The following CNGB1 variants were observed in gnomAD, a reference collection of about 807,000 sequenced individuals.
The protein encoded by CNGB1 is cyclic nucleotide gated channel subunit beta 1, also known as cyclic nucleotide-gated channel beta-1.
CNGB1 carries 126 observed loss-of-function variants against 151.7 expected under a neutral mutation model. The observed-to-expected ratio is 0.83, with a 90% CI of 0.72 to 0.96. The LOEUF (loss-of-function observed/expected upper bound fraction) is 0.96, where lower values mean the gene tolerates loss of function less well. CNGB1 is among the 40% of genes least tolerant of loss of function. The pLI is 0.00. For synonymous variants in CNGB1, 623 were observed against 635.1 expected, an observed-to-expected ratio of 0.98 and a Z score of 0.29; for missense variants, 1,698 against 1,627.0, an observed-to-expected ratio of 1.04 and a Z score of -0.75.
rs148170769 is a variant in CNGB1, at chr16:57,913,110, C to A, written c.2305-116G>T. The A allele has an allele frequency of 4.4e-6, 4 of 902,220 alleles. No homozygotes were observed. The Admixed American group carries it at 5.6e-5, about 13-fold the overall frequency. The allele number at this position is 902,220 out of a possible 1,614,324, so 55.9% of individuals were successfully genotyped here. On this transcript the variant is annotated intron_variant, in intron 23 of 32. Coordinates refer to ENST00000251102, the MANE Select transcript of CNGB1 (RefSeq NM_001297.5). ...CTGCAGCCCCCAGGAGGGAACAGGACGGTGAGCATTCAATATCAGAAGTCC... is the reference window on the plus strand; with the variant it reads ...CTGCAGCCCCCAGGAGGGAACAGGAAGGTGAGCATTCAATATCAGAAGTCC...
intron 25 of CNGB1, 50 bp downstream of exon 25, chr16:57,911,703 G>T: frequency 1.2e-6 from 2 of 1,611,140 alleles, no homozygotes; most frequent in South Asian, 1.1e-5. Flanking sequence ...GAATTATAAA[G>T]AACAGGAAGG....
intron 25 of CNGB1, among the ~76,000 whole-genome samples, chr16:57,908,465 C>A (rs1382492101): frequency 6.6e-6 from 1 of 152,258 alleles, no homozygotes; most frequent in African/African-American, 2.4e-5. Flanking sequence ...TGAGTAACTC[C>A]CCGCTGGACC....
At chr16:57,960,365 C>A in intron 9 of CNGB1, 117 bp downstream of exon 9, 1 of 1,361,496 alleles carries the variant, frequency 7.3e-7, no homozygotes, top group Non-Finnish European at 1.0e-6. Context: ...CCCTGAACCC[C>A]GTCCTAGTCT....
chr16:57,904,658 G>C, intron 26 of CNGB1, 76 bp downstream of exon 26: 1 of 1,598,168 alleles, frequency 6.3e-7, no homozygotes, highest in Non-Finnish European at 8.6e-7. Context: ...CGGGCACAGA[G>C]GGTGACATTT....
intron 14 of CNGB1, among the ~76,000 whole-genome samples, chr16:57,947,744 C>T (rs1961844102): frequency 6.6e-6 from 1 of 152,178 alleles, no homozygotes; most frequent in African/African-American, 2.4e-5. Context: ...TTAACTATTT[C>T]CTGACTGGAA....
At chr16:57,909,128 T>G (rs1236963566) in intron 25 of CNGB1, among the ~76,000 whole-genome samples, 1 of 152,188 alleles carries the variant, frequency 6.6e-6, no homozygotes, top group African/African-American at 2.4e-5. Context: ...ATTAGCTAGG[T>G]GCAGTGGCGT....
In CNGB1 at chr16:57,964,166, A is replaced by C. The variant is rs1290411898; in HGVS notation, c.254T>G (p.Leu85Arg). The C allele has an allele frequency of 1.2e-6, 2 of 1,614,114 alleles. No homozygotes were observed. The highest frequency in any genetic ancestry group is 3.3e-5 in the Admixed American group (2 of 60,014). The change falls in exon 4 of 33, where the codon CTC (leucine) becomes CGC (arginine). Residue 85 changes from leucine to arginine, a missense_variant. Leu to Arg is a moderately radical substitution (Grantham distance 102). Transcript: ENST00000251102. ...AGAAATCTCAGCGCCCTGGGCCCGG[A>C]GGGATATGGTGGAAGTAAGGGCAGC... is the stretch of plus-strand genomic sequence containing the variant. ...KEAALTSTIS[L>R]RAQGAEISEM...
At chr16:57,966,493 T>C (rs1962402348) in intron 2 of CNGB1, among the ~76,000 whole-genome samples, 1 of 152,230 alleles carries the variant, frequency 6.6e-6, no homozygotes, top group South Asian at 2.1e-4. Flanking sequence ...TCTGTGCCAG[T>C]CTGCAAACTG....
At chr16:57,956,985 C>T (rs1054386764) in intron 12 of CNGB1, among the ~76,000 whole-genome samples, 1 of 152,184 alleles carries the variant, frequency 6.6e-6, no homozygotes, top group Admixed American at 6.5e-5. Context: ...TCAGCTTGGC[C>T]AAACCCATTT....
intron 17 of CNGB1, among the ~76,000 whole-genome samples, chr16:57,923,767 A>C (rs1341776866): frequency 6.6e-6 from 1 of 152,196 alleles, no homozygotes; most frequent in East Asian, 1.9e-4. Flanking sequence ...CTTAGTTCTC[A>C]GTTTCAACTT....
chr16:57,948,011 T>C (rs1306470306), intron 14 of CNGB1, among the ~76,000 whole-genome samples: 1 of 152,166 alleles, frequency 6.6e-6, no homozygotes, highest in Admixed American at 6.5e-5. Flanking sequence ...TGCTATCCTG[T>C]CTCAGGCCAT....
chr16:57,888,009 G>T lies in CNGB1; in HGVS notation c.3308C>A (p.Ala1103Glu), dbSNP rs377240706. The stretch of plus-strand genomic sequence containing the variant: ...AGCGTTGAAGAGCTTTGGGGTGCCC[G>T]CCCGGGGTGGAAGGATCAGCACGCT... Reference protein sequence around the residue: ...EKSVLILPPRAGTPKLFNAAL... With the variant: ...EKSVLILPPREGTPKLFNAAL... The change falls in exon 32 of 33, where the codon GCG (alanine) becomes GAG (glutamate). Residue 1103 changes from alanine (A) to glutamate (E), a missense_variant. Transcript: ENST00000251102. 1.2e-6 allele frequency: 2 copies of T among 1,614,166 alleles called. No homozygotes were observed. The highest frequency in any genetic ancestry group is 3.3e-5 in the Admixed American group (2 of 60,020).
chr16:57,913,092 C>T, intron 23 of CNGB1, 98 bp from the exon 24 acceptor site: 1 of 1,120,986 alleles, frequency 8.9e-7, no homozygotes. Flanking sequence ...TTCCTGCAGC[C>T]CCCAGGAGGG....
chr16:57,883,620 T>C lies in CNGB1; in HGVS notation c.*544A>G, dbSNP rs1443883074. The C allele has an allele frequency of 5.8e-6, 1 of 173,370 alleles. No homozygotes were observed. Among genetic ancestry groups the C allele is most frequent in the Non-Finnish European group, 1.2e-5 (1 of 81,880 alleles). 10.7% of individuals were successfully genotyped at this position (173,370 alleles called of 1,614,324 possible). On this transcript the variant is annotated 3_prime_UTR_variant, in exon 33 of 33. Transcript: ENST00000251102. ...TTTTGTTTGAGATGAGGTCTCGCTA[T>C]GTTGCCCAGTCTGCTCTCCAACTCT... is the stretch of plus-strand genomic sequence containing the variant.
chr16:57,930,564 GA>G (rs1307401651), intron 17 of CNGB1, among the ~76,000 whole-genome samples: 6 of 121,278 alleles, frequency 4.9e-5, no homozygotes, highest in African/African-American at 1.9e-4. Context: ...GGGGAAGGAG[GA>G]GGGGAAGGGG....
intron 31 of CNGB1, among the ~76,000 whole-genome samples, chr16:57,893,063 G>C (rs1960137337): frequency 2.0e-5 from 3 of 152,204 alleles, no homozygotes; most frequent in Admixed American, 2.0e-4. Context: ...TGTGCTGTAG[G>C]AATGGATGCT....
rs183620639 is a variant in CNGB1, at chr16:57,903,966, C to T, written c.2650G>A (p.Gly884Arg). The T allele has an allele frequency of 8.7e-6, 14 of 1,613,844 alleles. No homozygotes were observed. The East Asian group carries it at 2.7e-4, about 31-fold the overall frequency. The part of the protein sequence containing the change: ...VMIGQMRDVV[G>R]AATAGQTYYR... ...TAGGTCTGTCCGGCGGTGGCGGCCC[C>T]TACCACATCTCTCATCTGGGGGAAG... The change falls in exon 27 of 33, where the codon GGG becomes AGG. Residue 884 changes from glycine (G) to arginine (R), a missense_variant. Gly to Arg is a moderately radical substitution (Grantham distance 125). Coordinates refer to ENST00000251102, the MANE Select transcript of CNGB1 (RefSeq NM_001297.5).
At chr16:57,927,079 C>G (rs1222730274) in intron 17 of CNGB1, among the ~76,000 whole-genome samples, 3 of 152,214 alleles carry the variant, frequency 2.0e-5, no homozygotes, top group Non-Finnish European at 4.4e-5. Context: ...AGCTTCTGGT[C>G]CCCCAGCACT....
Position 57,920,489 on chromosome 16 carries a change from G to A in CNGB1, c.1699C>T (p.Arg567Trp), listed in dbSNP as rs556362158. Residue 567 changes from arginine (R) to tryptophan (W), a missense_variant, in exon 19 of 33, where the codon CGG becomes TGG. Transcript: ENST00000251102. ...AAGAGCTTCACCAGCTCCTGGAGCC[G>A]GTCGTTGATGATGGCGCTATTTGTG... Reference protein sequence around the residue: ...ASTNSAIINDRLQELVKLFKE... With the variant: ...ASTNSAIINDWLQELVKLFKE... 79 of 1,614,114 alleles carry A rather than the reference G, an allele frequency of 4.9e-5. No homozygotes were observed. The East Asian group carries it at 6.0e-4, about 12-fold the overall frequency.
Sources: allele counts gnomAD v4.1 joint callset (sites outside exome capture counted in the v4.1 genomes callset), GRCh38; gene constraint gnomAD v4.1.1; transcripts MANE v1.5; gene names NCBI Gene and HGNC (gene_info 2026-07-23, HGNC 2026-07-21).